RPS6KA2: variants seen among roughly 807,000 people sequenced by gnomAD.
The protein encoded by RPS6KA2 is ribosomal protein S6 kinase A2, also known as ribosomal protein S6 kinase alpha-2.
A neutral mutation model predicts 91.8 loss-of-function variants in RPS6KA2; 42 were observed. That is an observed-to-expected ratio of 0.46 (90% CI 0.36 to 0.59). The LOEUF (loss-of-function observed/expected upper bound fraction) is 0.59, where lower values mean the gene tolerates loss of function less well. Among genes scored for constraint, RPS6KA2 ranks in the 20% least tolerant of loss-of-function variants. RPS6KA2 has a pLI of 0.00. For missense variants in RPS6KA2, 798 were observed against 978.5 expected, an observed-to-expected ratio of 0.82 and a Z score of 2.46; for synonymous variants, 414 against 393.6, an observed-to-expected ratio of 1.05 and a Z score of -0.61.
At position 166,570,878 on chromosome 6, in the gene RPS6KA2, GT is replaced by G. The variant is rs1189678227; in HGVS notation, c.100-32095del. ...CAGGTAGGCTGGGAAGACTGAGTAT[GT>G]TAATTCTCTTCACTGTAATAGTGTT... On this transcript the variant is annotated intron_variant, in intron 1 of 20. Coordinates refer to ENST00000265678, the MANE Select transcript of RPS6KA2 (RefSeq NM_021135.6). 4.6e-5 allele frequency among the ~76,000 whole-genome samples: 7 copies of G among 152,322 alleles called. No homozygotes were observed. The East Asian group carries it at 1.3e-3, about 29-fold the overall frequency.
chr6:166,614,611 C>A (rs147071757), intron 1 of RPS6KA2, among the ~76,000 whole-genome samples: 4 of 152,376 alleles, frequency 2.6e-5, no homozygotes, highest in African/African-American at 9.6e-5. Flanking sequence ...TCCACAAATT[C>A]AGTGGTTTGA....
At chr6:166,718,954 G>A (rs1317624260) in intron 2 of RPS6KA2, among the ~76,000 whole-genome samples, 1 of 152,134 alleles carries the variant, frequency 6.6e-6, no homozygotes, top group Non-Finnish European at 1.5e-5. Context: ...ATATGAGTAA[G>A]GATTAAAAAC....
In RPS6KA2 at chr6:166,592,728, C is replaced by A. The variant is rs147127865; in HGVS notation, c.99+34193G>T. 1.2e-3 allele frequency among the ~76,000 whole-genome samples: 183 copies of A among 152,302 alleles called. 2 individuals carry two copies. In the East Asian group the frequency reaches 0.027, roughly 22 times the overall value. On this transcript the variant is annotated intron_variant, in intron 1 of 20. Coordinates refer to ENST00000265678, the MANE Select transcript of RPS6KA2 (RefSeq NM_021135.6). ...CAGGAGAGCACTCCTACCTGCCCAC[C>A]TGCGGTCTGCCCTTACATTCTACAG... is the stretch of plus-strand genomic sequence containing the variant.
Position 166,594,663 on chromosome 6 carries a change from T to C in RPS6KA2, c.99+32258A>G, listed in dbSNP as rs1418591568. ...ATTTTTAGTAGAGACGGAGCTTCACTGTGTTAGCCAGGATGGTCTCGATCT... is the reference window on the plus strand; with the variant it reads ...ATTTTTAGTAGAGACGGAGCTTCACCGTGTTAGCCAGGATGGTCTCGATCT... On this transcript the variant is annotated intron_variant, in intron 1 of 20. Coordinates refer to ENST00000265678, the MANE Select transcript of RPS6KA2 (RefSeq NM_021135.6). Among the ~76,000 whole-genome samples, 13 of 152,166 alleles carry C rather than the reference T, an allele frequency of 8.5e-5. No individual in the cohort carries two copies. The East Asian group carries it at 9.6e-4, about 11-fold the overall frequency.
intron 2 of RPS6KA2, among the ~76,000 whole-genome samples, chr6:166,813,170 T>C (rs1051647474): frequency 4.0e-5 from 6 of 151,830 alleles, no homozygotes; most frequent in African/African-American, 1.5e-4. Context: ...ATATCACACA[T>C]GGGGGAGGTA....
At chr6:166,783,626 A>G (rs759268120) in intron 2 of RPS6KA2, among the ~76,000 whole-genome samples, 7 of 151,356 alleles carry the variant, frequency 4.6e-5, no homozygotes, top group Non-Finnish European at 7.4e-5. Flanking sequence ...ACACATATCT[A>G]TAACTGCATA....
rs918153995 is a variant in RPS6KA2, at chr6:166,459,769, G to A, written c.973-218C>T. Among the ~76,000 whole-genome samples, 8 of 152,200 alleles carry A rather than the reference G, an allele frequency of 5.3e-5. No individual in the cohort carries two copies. The highest frequency in any genetic ancestry group is 4.6e-4 in the Admixed American group (7 of 15,290). On this transcript the variant is annotated intron_variant, in intron 11 of 20. Transcript: ENST00000265678. This position sits in a 1 kb window ranked among gnomAD's most constrained non-coding sequence, Gnocchi z 4.9. ...TAGATACTATGGCATATATAATAACGATGTATTATAGAAAGGTATAGAAAA... is the reference window on the plus strand; with the variant it reads ...TAGATACTATGGCATATATAATAACAATGTATTATAGAAAGGTATAGAAAA...
intron 10 of RPS6KA2, among the ~76,000 whole-genome samples, chr6:166,480,513 ATAATATATTT>A (rs1781172351): frequency 1.0e-5 from 1 of 96,510 alleles, no homozygotes. Context: ...ATATATATAT[ATAATATATTT>A]TTTTTTTTTG....
intron 1 of RPS6KA2, among the ~76,000 whole-genome samples, chr6:166,572,046 AAC>A (rs1222123496): frequency 6.6e-6 from 1 of 152,224 alleles, no homozygotes; most frequent in African/African-American, 2.4e-5. Context: ...AATATTTAAT[AAC>A]ACGAGAACAT....
chr6:166,861,972 C>T, intron 1 of RPS6KA2: 1 of 1,087,372 alleles, frequency 9.2e-7, no homozygotes, highest in Non-Finnish European at 1.4e-6. Flanking sequence ...CATCCACACA[C>T]ACTGGATAGC....
rs1302291446 is a variant in RPS6KA2, at chr6:166,557,160, C to T, written c.100-18376G>A. The stretch of plus-strand genomic sequence containing the variant: ...GCACAAAGTAGAACATGCCCTCCCC[C>T]TCTCTGCTAAGTTCCTCCCTGATCT... On this transcript the variant is annotated intron_variant, in intron 1 of 20. Coordinates refer to ENST00000265678, the MANE Select transcript of RPS6KA2 (RefSeq NM_021135.6). The surrounding 1 kb of genome is among the most constrained non-coding windows in gnomAD (Gnocchi z 4.8). Among the ~76,000 whole-genome samples the T allele has an allele frequency of 1.3e-5, 2 of 152,248 alleles. No homozygotes were observed. Among genetic ancestry groups the T allele is most frequent in the African/African-American group, 4.8e-5 (2 of 41,466 alleles).
chr6:166,850,511 C>T (rs1276797619), intron 2 of RPS6KA2, among the ~76,000 whole-genome samples: 3 of 152,088 alleles, frequency 2.0e-5, no homozygotes, highest in Admixed American at 6.5e-5. Flanking sequence ...TAAAAGCCCC[C>T]GGATTTTTGT....
intron 2 of RPS6KA2, chr6:166,701,511 CT>C: frequency 7.2e-7 from 1 of 1,393,366 alleles, no homozygotes; most frequent in Non-Finnish European, 1.0e-6. Context: ...CTGGAGCAAT[CT>C]TACTTGAAGC....
At chr6:166,578,119 T>G (rs543581409) in intron 1 of RPS6KA2, among the ~76,000 whole-genome samples, 1 of 152,172 alleles carries the variant, frequency 6.6e-6, no homozygotes, top group Non-Finnish European at 1.5e-5. Context: ...TTAAACCTCT[T>G]TTTCTTCCCA....
At chr6:166,602,522 C>T (rs755108835) in intron 1 of RPS6KA2, among the ~76,000 whole-genome samples, 2 of 152,300 alleles carry the variant, frequency 1.3e-5, no homozygotes, top group East Asian at 1.9e-4. Context: ...TGAAATACCA[C>T]GCAGAAGCAA....
At chr6:166,681,824 T>C (rs1788826312) in intron 2 of RPS6KA2, among the ~76,000 whole-genome samples, 1 of 151,830 alleles carries the variant, frequency 6.6e-6, no homozygotes, top group South Asian at 2.1e-4. Flanking sequence ...GTGCCTAGAA[T>C]GTTAATGCCA....
intron 2 of RPS6KA2, among the ~76,000 whole-genome samples, chr6:166,809,759 T>C (rs984393753): frequency 1.1e-4 from 17 of 152,144 alleles, no homozygotes; most frequent in South Asian, 2.1e-4. Flanking sequence ...ACAGCCATGG[T>C]GGAAGGCATC....
intron 2 of RPS6KA2, among the ~76,000 whole-genome samples, chr6:166,746,635 T>C (rs1791022109): frequency 6.6e-6 from 1 of 152,226 alleles, no homozygotes; most frequent in East Asian, 1.9e-4. Context: ...CAGATGCCAG[T>C]CGTAAGCCCC....
intron 10 of RPS6KA2, among the ~76,000 whole-genome samples, chr6:166,483,159 C>T (rs576337677): frequency 3.3e-5 from 5 of 152,302 alleles, no homozygotes; most frequent in East Asian, 1.9e-4. Context: ...CCACCTGGGA[C>T]GTCTATGTGT....
Sources: allele counts gnomAD v4.1 joint callset (sites outside exome capture counted in the v4.1 genomes callset), GRCh38; gene constraint gnomAD v4.1.1; non-coding constraint Gnocchi (gnomAD v3.1); transcripts MANE v1.5; gene names NCBI Gene and HGNC (gene_info 2026-07-23, HGNC 2026-07-21).